PLXNA4: variants seen among roughly 807,000 people sequenced by gnomAD.
PLXNA4 encodes plexin A4, also known as plexin-A4.
Under a neutral mutation model 191.8 loss-of-function variants are expected in PLXNA4, and 44 were observed. The ratio of observed to expected loss-of-function variants is 0.23; its 90% CI spans 0.18 to 0.29. The LOEUF (loss-of-function observed/expected upper bound fraction) is 0.29. Ranked by LOEUF, PLXNA4 falls within the 10% of genes least tolerant of loss-of-function variation. The pLI is 1.00. For missense variants in PLXNA4, 1,800 were observed against 2,488.8 expected (o/e 0.72, Z 5.89); for synonymous variants, 1,082 against 1,009.5 (o/e 1.07, Z -1.36).
At chr7:132,211,438 C>T (rs1258057748) in intron 9 of PLXNA4, among the ~76,000 whole-genome samples, 1 of 152,248 alleles carries the variant, frequency 6.6e-6, no homozygotes, top group East Asian at 1.9e-4. Context: ...CTCCTGGCAC[C>T]CTTCTACCCT....
At chr7:132,516,795 T>TA (rs541358228) in intron 1 of PLXNA4, among the ~76,000 whole-genome samples, 136 of 152,174 alleles carry the variant, frequency 8.9e-4, no homozygotes, top group East Asian at 1.5e-3. Flanking sequence ...CTGTCTCTAC[T>TA]AAAAAACAAT....
At chr7:132,146,047 T>C (rs578061572) in intron 28 of PLXNA4, among the ~76,000 whole-genome samples, 8 of 130,600 alleles carry the variant, frequency 6.1e-5, no homozygotes, top group African/African-American at 2.4e-4. Context: ...ACCACTGCAC[T>C]TCAGCCTGGG....
chr7:132,370,316 G>C (rs1229285427), intron 3 of PLXNA4, among the ~76,000 whole-genome samples: 1 of 152,164 alleles, frequency 6.6e-6, no homozygotes, highest in East Asian at 1.9e-4. Flanking sequence ...AGATGCAAGG[G>C]AAGTAGAGGC....
chr7:132,294,672 G>A (rs568928029), intron 4 of PLXNA4, among the ~76,000 whole-genome samples: 3 of 152,290 alleles, frequency 2.0e-5, no homozygotes, highest in South Asian at 4.1e-4. Flanking sequence ...TGTAGAGTCC[G>A]TAGAATTATG....
intron 1 of PLXNA4, among the ~76,000 whole-genome samples, chr7:132,552,008 G>A (rs1408039295): frequency 1.3e-5 from 2 of 152,152 alleles, no homozygotes; most frequent in East Asian, 3.9e-4. Flanking sequence ...AAGGAGAGGA[G>A]GGAAAAGAAT....
rs183353790 is a variant in PLXNA4 at position 132,506,290 on chromosome 7, A to G, written c.1188+1216T>C. Among the ~76,000 whole-genome samples, 206 of 152,298 alleles carry G rather than the reference A, an allele frequency of 1.4e-3. 2 individuals are homozygous for G. The highest frequency in any genetic ancestry group is 4.9e-3 in the African/African-American group (204 of 41,562). ...GTCCCCACTGAGATCTGCCTGGCAC[A>G]TAGTTATACTTTATGAAAGGAAATT... On this transcript the variant is annotated intron_variant, in intron 2 of 31. Coordinates refer to ENST00000321063, the MANE Select transcript of PLXNA4 (RefSeq NM_020911.2).
chr7:132,270,060 A>G (rs1280682344), intron 4 of PLXNA4, among the ~76,000 whole-genome samples: 1 of 152,184 alleles, frequency 6.6e-6, no homozygotes, highest in Non-Finnish European at 1.5e-5. Context: ...ATCGTCCTAA[A>G]TGCTTACTTG....
At chr7:132,170,993 T>C (rs1430218483) in intron 21 of PLXNA4, among the ~76,000 whole-genome samples, 2 of 152,176 alleles carry the variant, frequency 1.3e-5, no homozygotes, top group Non-Finnish European at 2.9e-5. Context: ...TCTTCGTGCC[T>C]GCCTCCCCCA....
intron 1 of PLXNA4, among the ~76,000 whole-genome samples, chr7:132,518,496 G>C (rs1236200651): frequency 6.6e-6 from 1 of 152,058 alleles, no homozygotes; most frequent in African/African-American, 2.4e-5. Flanking sequence ...TGAGAGATGG[G>C]AACTGTGAAA....
At chr7:132,338,501 T>C (rs997365086) in intron 3 of PLXNA4, among the ~76,000 whole-genome samples, 1 of 152,238 alleles carries the variant, frequency 6.6e-6, no homozygotes, top group Non-Finnish European at 1.5e-5. Context: ...AAATGAGTTG[T>C]TCCACACTTT....
intron 9 of PLXNA4, among the ~76,000 whole-genome samples, chr7:132,215,787 G>A (rs1431906460): frequency 6.6e-6 from 1 of 152,246 alleles, no homozygotes; most frequent in Non-Finnish European, 1.5e-5. Flanking sequence ...AGGTGGCGAT[G>A]CTGACAGGGT....
chr7:132,176,766 G>C lies in PLXNA4; in HGVS notation c.3875-1846C>G, dbSNP rs527827308. ...AATGTGAGTGCCTGCGTGGGTGTGA[G>C]TGCATGAGTGTGTGTGTATGCTTGT... is the stretch of plus-strand genomic sequence containing the variant. On this transcript the variant is annotated intron_variant, in intron 20 of 31. Transcript: ENST00000321063. 4.7e-3 allele frequency among the ~76,000 whole-genome samples: 712 copies of C among 152,256 alleles called. 1 individual carries two copies. The highest frequency in any genetic ancestry group is 6.6e-3 in the African/African-American group (275 of 41,550).
chr7:132,578,265 T>C (rs549049705), upstream of PLXNA4, among the ~76,000 whole-genome samples: 63 of 151,790 alleles, frequency 4.2e-4, no homozygotes, highest in African/African-American at 1.5e-3. Flanking sequence ...TCATACCCGC[T>C]CCCACCATAG....
intron 1 of PLXNA4, among the ~76,000 whole-genome samples, chr7:132,563,710 CTTCTCCTCCTCCTCT>C (rs1801513775): frequency 8.7e-6 from 1 of 114,692 alleles, no homozygotes; most frequent in Admixed American, 8.3e-5. Flanking sequence ...CCTCCTCCTC[CTTCTCCTCCTCCTCT>C]TCCTCTTCCT....
At chr7:132,599,423 T>A (rs1802776200) in intron 2 of PLXNA4, among the ~76,000 whole-genome samples, 1 of 152,324 alleles carries the variant, frequency 6.6e-6, no homozygotes, top group African/African-American at 2.4e-5. Context: ...ACATATTAAC[T>A]TTTTCTCTGG....
At chr7:132,598,595 A>G (rs116477576) in intron 2 of PLXNA4, among the ~76,000 whole-genome samples, 53 of 150,844 alleles carry the variant, frequency 3.5e-4, no homozygotes, top group African/African-American at 1.2e-3. Context: ...TAAGTTACCT[A>G]TTCATAACCT....
At chr7:132,405,755 T>C (rs1276475068) in intron 3 of PLXNA4, among the ~76,000 whole-genome samples, 1 of 152,180 alleles carries the variant, frequency 6.6e-6, no homozygotes, top group Non-Finnish European at 1.5e-5. Context: ...AGCATCTGGA[T>C]TCCTTAGACT....
chr7:132,521,069 C>T (rs971734889), intron 1 of PLXNA4, among the ~76,000 whole-genome samples: 2 of 151,118 alleles, frequency 1.3e-5, no homozygotes, highest in Non-Finnish European at 2.9e-5. Context: ...TTTAATTCCA[C>T]GATGAGCCAA....
intron 4 of PLXNA4, among the ~76,000 whole-genome samples, chr7:132,242,904 C>G (rs1027266979): frequency 1.3e-5 from 2 of 152,188 alleles, no homozygotes; most frequent in Non-Finnish European, 2.9e-5. Flanking sequence ...TTTAATTTCT[C>G]TTCCTACTCC....
Sources: allele counts gnomAD v4.1 joint callset (sites outside exome capture counted in the v4.1 genomes callset), GRCh38; gene constraint gnomAD v4.1.1; transcripts MANE v1.5; gene names NCBI Gene and HGNC (gene_info 2026-07-23, HGNC 2026-07-21).